Variants in TENM2 observed in about 807,000 individuals in gnomAD.
TENM2 encodes the protein teneurin transmembrane protein 2, also known as teneurin-2.
Under a neutral mutation model 245.2 loss-of-function variants are expected in TENM2, and 52 were observed. The observed-to-expected ratio is 0.21, with a 90% CI of 0.17 to 0.27. The LOEUF (loss-of-function observed/expected upper bound fraction) is 0.27, where lower values mean the gene tolerates loss of function less well. Among genes scored for constraint, TENM2 ranks in the 10% least tolerant of loss-of-function variants. TENM2 has a pLI of 1.00. For missense variants in TENM2, 3,046 were observed against 3,666.8 expected, an observed-to-expected ratio of 0.83 and a Z score of 4.37; for synonymous variants, 1,363 against 1,438.9, an observed-to-expected ratio of 0.95 and a Z score of 1.19.
chr5:168,229,095 GTAAACCCTATGT>G (rs1302278801), intron 25 of TENM2, among the ~76,000 whole-genome samples: 1 of 149,248 alleles, frequency 6.7e-6, no homozygotes, highest in Non-Finnish European at 1.5e-5. Context: ...ATATTATAAT[GTAAACCCTATGT>G]TAAATGCTTT....
At chr5:167,881,607 C>T (rs2151415930) in intron 3 of TENM2, among the ~76,000 whole-genome samples, 1 of 152,346 alleles carries the variant, frequency 6.6e-6, no homozygotes, top group East Asian at 1.9e-4. Flanking sequence ...GCCACTTTGA[C>T]TCCAGGTTCT....
At chr5:168,130,464 TG>T (rs1754477255) in intron 12 of TENM2, 1 of 152,364 alleles carries the variant, frequency 6.6e-6, no homozygotes, top group Admixed American at 6.5e-5. Flanking sequence ...TAGCATTTTT[TG>T]TATAGCGTGC....
rs556713997 is a variant in TENM2 at position 167,673,226 on chromosome 5, G to A, written c.503-202760G>A. Among the ~76,000 whole-genome samples, 28 of 152,070 alleles carry A rather than the reference G, an allele frequency of 1.8e-4. No individual in the cohort carries two copies. In the South Asian group the frequency reaches 5.4e-3, roughly 29 times the overall value. ...ATTTAAAATCTTTCAGGTTTGGGGC[G>A]ATGGAAAATGTCTGCTGTGTATTGT... On this transcript the variant is annotated intron_variant, in intron 2 of 28. Transcript: ENST00000518659.
chr5:167,224,782 T>A, the TENM2 span, among the ~76,000 whole-genome samples: 1 of 152,070 alleles, frequency 6.6e-6, no homozygotes, highest in Non-Finnish European at 1.5e-5. Context: ...ATCTATAGAC[T>A]GCTTTGAGCA....
chr5:167,162,748 T>C, the TENM2 span, among the ~76,000 whole-genome samples: 1 of 152,096 alleles, frequency 6.6e-6, no homozygotes, highest in Non-Finnish European at 1.5e-5. Context: ...AGAACCCTGA[T>C]ACTCATGACC....
chr5:168,068,094 A>G (rs767547499), intron 7 of TENM2, among the ~76,000 whole-genome samples: 12 of 152,120 alleles, frequency 7.9e-5, no homozygotes, highest in Non-Finnish European at 1.8e-4. Context: ...TCCTAACAGG[A>G]GACAGGAACT....
chr5:167,750,938 A>G (rs1761917985), intron 2 of TENM2, among the ~76,000 whole-genome samples: 1 of 152,242 alleles, frequency 6.6e-6, no homozygotes, highest in Non-Finnish European at 1.5e-5. Context: ...TTTATAGAAT[A>G]GAATGACAGC....
chr5:168,104,852 C>T lies in TENM2; in HGVS notation c.1813+6725C>T, dbSNP rs545446838. 9.2e-5 allele frequency among the ~76,000 whole-genome samples: 14 copies of T among 152,256 alleles called. No homozygotes were observed. The East Asian group carries it at 2.5e-3, about 27-fold the overall frequency. ...ATCTAACACATTGTCCTGAGTCAGT[C>T]GAGGGGACAGAACTTATTCGTACAT... On this transcript the variant is annotated intron_variant, in intron 9 of 28. Transcript: ENST00000518659.
the TENM2 span, among the ~76,000 whole-genome samples, chr5:167,174,934 T>A: frequency 6.6e-6 from 1 of 152,118 alleles, no homozygotes; most frequent in African/African-American, 2.4e-5. Context: ...TTTCTTTCTG[T>A]GTCTGGCTAA....
chr5:167,838,166 G>C (rs185391588), intron 2 of TENM2, among the ~76,000 whole-genome samples: 3 of 152,370 alleles, frequency 2.0e-5, no homozygotes, highest in African/African-American at 4.8e-5. Flanking sequence ...GATGCTTGGT[G>C]ATACAACAGT....
At chr5:167,567,453 A>G (rs1203377077) in intron 2 of TENM2, among the ~76,000 whole-genome samples, 1 of 152,276 alleles carries the variant, frequency 6.6e-6, no homozygotes, top group Non-Finnish European at 1.5e-5. Flanking sequence ...GAGAGATTGT[A>G]TAATTGGGCC....
chr5:168,155,366 C>A (rs1296558797), intron 12 of TENM2, among the ~76,000 whole-genome samples: 9 of 139,844 alleles, frequency 6.4e-5, no homozygotes, highest in African/African-American at 7.8e-5. Flanking sequence ...AAAAAACAAA[C>A]AAAAAAAAAA....
chr5:167,195,518 G>A, the TENM2 span, among the ~76,000 whole-genome samples: 11 of 151,972 alleles, frequency 7.2e-5, no homozygotes, highest in African/African-American at 2.7e-4. Context: ...CATGAAAGCA[G>A]CTACAGACAA....
the TENM2 span, among the ~76,000 whole-genome samples, chr5:166,986,855 A>G: frequency 6.6e-5 from 10 of 152,214 alleles, no homozygotes; most frequent in African/African-American, 2.4e-4. Flanking sequence ...TAAGAACACC[A>G]TGAGTCTTGG....
intron 1 of TENM2, among the ~76,000 whole-genome samples, chr5:167,311,296 G>A (rs957675651): frequency 3.9e-5 from 6 of 152,146 alleles, no homozygotes; most frequent in African/African-American, 1.4e-4. Context: ...AATAATAAGT[G>A]TATAAAGAAG....
At chr5:167,253,649 T>C in the TENM2 span, among the ~76,000 whole-genome samples, 1 of 152,166 alleles carries the variant, frequency 6.6e-6, no homozygotes, top group Non-Finnish European at 1.5e-5. Context: ...TTTTAGCATC[T>C]ATAAAGATAG....
intron 2 of TENM2, among the ~76,000 whole-genome samples, chr5:167,513,553 C>T (rs1408344064): frequency 6.6e-6 from 1 of 152,140 alleles, no homozygotes. Flanking sequence ...TTTGTTTTGG[C>T]ATGTGGTGCC....
At chr5:167,534,183 T>A (rs1282951497) in intron 2 of TENM2, among the ~76,000 whole-genome samples, 1 of 152,200 alleles carries the variant, frequency 6.6e-6, no homozygotes, top group Non-Finnish European at 1.5e-5. Context: ...TACATTGATG[T>A]CTCATAGATG....
chr5:167,357,723 CAT>C (rs1343889897), intron 1 of TENM2, among the ~76,000 whole-genome samples: 2 of 152,228 alleles, frequency 1.3e-5, no homozygotes, highest in South Asian at 2.1e-4. Flanking sequence ...AATTTGTTCT[CAT>C]ATGTTTTTGA....
Sources: gnomAD v4.1 joint callset for allele counts (sites outside exome capture counted in the v4.1 genomes callset) on GRCh38, gnomAD v4.1.1 for gene constraint, MANE v1.5 for transcripts, NCBI Gene and HGNC (gene_info 2026-07-23, HGNC 2026-07-21) for gene names.